Variants in SCFD2 observed in about 807,000 individuals in gnomAD.
SCFD2 encodes sec1 family domain-containing protein 2.
In SCFD2, 54 loss-of-function variants were observed where a neutral mutation model predicts 58.9. That is an observed-to-expected ratio of 0.92 (90% CI 0.74 to 1.15). The LOEUF (loss-of-function observed/expected upper bound fraction) is 1.15, where lower values mean the gene tolerates loss of function less well. Ranked by LOEUF, SCFD2 falls within the 50% of genes most tolerant of loss-of-function variation. The pLI, the probability that SCFD2 is intolerant of heterozygous loss-of-function variation, is 0.00. For synonymous variants in SCFD2, 321 were observed against 335.9 expected (o/e 0.96, Z 0.49); for missense variants, 805 against 836.6 (o/e 0.96, Z 0.47).
intron 4 of SCFD2, among the ~76,000 whole-genome samples, chr4:53,209,970 T>C (rs949366915): frequency 6.6e-6 from 1 of 152,160 alleles, no homozygotes; most frequent in African/African-American, 2.4e-5. Context: ...AATCTTTCTA[T>C]GATTCTCTCT....
intron 5 of SCFD2, among the ~76,000 whole-genome samples, chr4:52,975,339 C>G (rs1721226241): frequency 6.6e-6 from 1 of 152,110 alleles, no homozygotes; most frequent in Admixed American, 6.6e-5. Flanking sequence ...AAACAAACAA[C>G]CCCATCAAAA....
intron 5 of SCFD2, among the ~76,000 whole-genome samples, chr4:52,963,054 C>T (rs1450531630): frequency 1.3e-5 from 2 of 152,156 alleles, no homozygotes; most frequent in South Asian, 4.1e-4. Flanking sequence ...TCTCCTCCCC[C>T]AGCGCAACAC....
chr4:53,362,076 T>C (rs1560466138), intron 1 of SCFD2, among the ~76,000 whole-genome samples: 1 of 151,994 alleles, frequency 6.6e-6, no homozygotes, highest in East Asian at 1.9e-4. Flanking sequence ...GATCAATTAG[T>C]AGTGTCAGGG....
intron 5 of SCFD2, among the ~76,000 whole-genome samples, chr4:53,057,507 C>T (rs968525062): frequency 2.0e-5 from 3 of 151,860 alleles, no homozygotes; most frequent in Non-Finnish European, 4.4e-5. Flanking sequence ...ACACTGAGAA[C>T]ACATGGACAC....
intron 6 of SCFD2, among the ~76,000 whole-genome samples, chr4:52,919,905 G>C (rs375383097): frequency 6.6e-6 from 1 of 152,162 alleles, no homozygotes; most frequent in East Asian, 1.9e-4. Flanking sequence ...TCTCCAAAAA[G>C]CCTTAACAAA....
intron 2 of SCFD2, among the ~76,000 whole-genome samples, chr4:53,350,657 T>C (rs1734189602): frequency 6.6e-6 from 1 of 152,216 alleles, no homozygotes; most frequent in African/African-American, 2.4e-5. Context: ...CTAGCTCTTC[T>C]CTGGACCCTT....
chr4:53,328,554 T>A (rs1422969725), intron 2 of SCFD2, among the ~76,000 whole-genome samples: 5 of 152,144 alleles, frequency 3.3e-5, no homozygotes, highest in Non-Finnish European at 7.4e-5. Flanking sequence ...AAAATACGAA[T>A]CTATTAGTTT....
intron 3 of SCFD2, among the ~76,000 whole-genome samples, chr4:53,286,839 G>A (rs566113609): frequency 1.9e-4 from 29 of 152,128 alleles, no homozygotes; most frequent in Non-Finnish European, 3.2e-4. Flanking sequence ...CCCCATTCCT[G>A]GGCCCTTGGT....
chr4:53,127,956 T>G (rs1251164181), intron 5 of SCFD2, among the ~76,000 whole-genome samples: 1 of 150,404 alleles, frequency 6.6e-6, no homozygotes. Context: ...TTTTTTTTTT[T>G]TTAGCCCAAT....
chr4:53,265,249 C>T (rs1271705296), intron 4 of SCFD2, among the ~76,000 whole-genome samples: 3 of 152,126 alleles, frequency 2.0e-5, no homozygotes, highest in African/African-American at 7.2e-5. Flanking sequence ...TGTTCTCACT[C>T]TATGATACCT....
chr4:53,114,635 TTGAAGG>T (rs1725269158), intron 5 of SCFD2, among the ~76,000 whole-genome samples: 1 of 152,106 alleles, frequency 6.6e-6, no homozygotes, highest in South Asian at 2.1e-4. Flanking sequence ...TTTTTCAGAA[TTGAAGG>T]TGATGTAGCT....
intron 5 of SCFD2, among the ~76,000 whole-genome samples, chr4:53,007,780 C>T (rs1722011311): frequency 6.6e-6 from 1 of 152,184 alleles, no homozygotes. Context: ...CCTACATATC[C>T]ATGAAACATT....
chr4:52,963,303 C>G (rs1235195595), intron 5 of SCFD2, among the ~76,000 whole-genome samples: 1 of 152,166 alleles, frequency 6.6e-6, no homozygotes, highest in African/African-American at 2.4e-5. Flanking sequence ...TTGTTTTCTC[C>G]TGATGCAACG....
At chr4:53,104,112 C>T (rs1414772214) in intron 5 of SCFD2, among the ~76,000 whole-genome samples, 1 of 151,920 alleles carries the variant, frequency 6.6e-6, no homozygotes, top group Non-Finnish European at 1.5e-5. Flanking sequence ...GAGCATAACT[C>T]CTTATTTATT....
At chr4:53,300,123 T>G (rs1260700958) in intron 3 of SCFD2, among the ~76,000 whole-genome samples, 2 of 152,172 alleles carry the variant, frequency 1.3e-5, no homozygotes, top group African/African-American at 4.8e-5. Context: ...GTAAATGGGC[T>G]AAATGCTCCA....
intron 1 of SCFD2, among the ~76,000 whole-genome samples, chr4:53,363,680 C>T (rs1243999372): frequency 2.0e-5 from 3 of 151,820 alleles, no homozygotes; most frequent in Admixed American, 1.3e-4. Context: ...AAAGTTAGCC[C>T]GGCGTAGTGG....
chr4:53,307,359 G>A (rs1577954569), intron 3 of SCFD2, among the ~76,000 whole-genome samples: 1 of 152,158 alleles, frequency 6.6e-6, no homozygotes, highest in Admixed American at 6.5e-5. Context: ...TTAAGCGGGG[G>A]CATGGCATAA....
chr4:53,228,361 G>C (rs2412402), intron 4 of SCFD2, among the ~76,000 whole-genome samples: 1 of 151,942 alleles, frequency 6.6e-6, no homozygotes, highest in Non-Finnish European at 1.5e-5. Flanking sequence ...GACCAAGTTA[G>C]AGACATGAGC....
intron 2 of SCFD2, among the ~76,000 whole-genome samples, chr4:53,337,730 A>G (rs1231169259): frequency 6.6e-6 from 1 of 152,194 alleles, no homozygotes; most frequent in Non-Finnish European, 1.5e-5. Context: ...AAATACTACT[A>G]TGTAGCATTA....
Sources: allele counts gnomAD v4.1 joint callset (sites outside exome capture counted in the v4.1 genomes callset), GRCh38; gene constraint gnomAD v4.1.1; transcripts MANE v1.5; gene names NCBI Gene and HGNC (gene_info 2026-07-23, HGNC 2026-07-21).